The following IGSF10 variants were observed in gnomAD, a reference collection of about 807,000 sequenced individuals.
IGSF10 encodes the protein immunoglobulin superfamily member 10, also known as calvaria mechanical force protein 608.
Under a neutral mutation model 128.2 loss-of-function variants are expected in IGSF10, and 126 were observed. The observed-to-expected ratio is 0.98, with a 90% CI of 0.85 to 1.14. The LOEUF (loss-of-function observed/expected upper bound fraction) is 1.14, where lower values mean the gene tolerates loss of function less well. Ranked by LOEUF, IGSF10 falls within the 50% of genes most tolerant of loss-of-function variation. The pLI is 0.00. For missense variants in IGSF10, 3,295 were observed against 3,149.8 expected (o/e 1.05, Z -1.10); for synonymous variants, 1,185 against 1,146.2 (o/e 1.03, Z -0.68).
chr3:151,496,939 G>A, the IGSF10 span, among the ~76,000 whole-genome samples: 2 of 152,086 alleles, frequency 1.3e-5, no homozygotes, highest in South Asian at 2.1e-4. Flanking sequence ...GTGATGATGA[G>A]CATTTTTTCA....
rs141830647 is a variant in IGSF10 at position 151,453,598 on chromosome 3, C to T, written c.501G>A (p.Lys167=). Residue 167 remains lysine, a synonymous_variant, in exon 5 of 8, where the codon AAG becomes AAA. Transcript: ENST00000282466. Reference sequence around the variant, plus strand: ...AAGAGACAAATGTATCTGGGTGGAGCTTAGTGAGCTGATTTCCTTCCAAGT... The same window carrying T: ...AAGAGACAAATGTATCTGGGTGGAGTTTAGTGAGCTGATTTCCTTCCAAGT... The part of the protein sequence containing the change: ...LVHLEGNQLT[K]LHPDTFVSLS... 160 of 1,613,870 alleles carry T rather than the reference C, an allele frequency of 9.9e-5. No homozygotes were observed. The highest frequency in any genetic ancestry group is 1.3e-4 in the Non-Finnish European group (152 of 1,179,928).
the IGSF10 span, among the ~76,000 whole-genome samples, chr3:151,514,561 G>A: frequency 3.3e-5 from 5 of 152,136 alleles, no homozygotes; most frequent in Non-Finnish European, 5.9e-5. Context: ...GCATGGGGAA[G>A]AACTTCATGT....
chr3:151,438,345 C>A lies in IGSF10; in HGVS notation c.6216G>T (p.Trp2072Cys). ...ASGSPVPEIS[W>C]SLPDGTMINN... ...TGATCATGGTTCCATCAGGCAAACT[C>A]CAAGATATCTCTGGCACTGGGGAGC... Residue 2072 changes from tryptophan (W) to cysteine (C), a missense_variant, in exon 8 of 8, where the codon TGG (tryptophan) becomes TGT (cysteine). Coordinates refer to ENST00000282466, the MANE Select transcript of IGSF10 (RefSeq NM_178822.5). 1 of 1,614,196 alleles carries A rather than the reference C, an allele frequency of 6.2e-7. No individual in the cohort carries two copies. The highest frequency in any genetic ancestry group is 8.5e-7 in the Non-Finnish European group (1 of 1,180,038).
chr3:151,617,320 C>CTTCTCCTCCTCCT, the IGSF10 span, among the ~76,000 whole-genome samples: 40 of 83,624 alleles, frequency 4.8e-4, 4 homozygotes, highest in African/African-American at 2.0e-3. Flanking sequence ...CTTCTTCTTC[C>CTTCTCCTCCTCCT]CCTCCTCCTC....
the IGSF10 span, among the ~76,000 whole-genome samples, chr3:151,559,017 A>G: frequency 6.6e-6 from 1 of 152,316 alleles, no homozygotes; most frequent in Non-Finnish European, 1.5e-5. Context: ...GTTCAGTTAC[A>G]GTAACCCAAC....
At chr3:151,536,969 A>G in the IGSF10 span, among the ~76,000 whole-genome samples, 1 of 152,192 alleles carries the variant, frequency 6.6e-6, no homozygotes, top group Non-Finnish European at 1.5e-5. Context: ...TGCTTTTAAA[A>G]CAGCAGGCCC....
the IGSF10 span, among the ~76,000 whole-genome samples, chr3:151,508,877 C>G: frequency 6.6e-6 from 1 of 152,108 alleles, no homozygotes; most frequent in Non-Finnish European, 1.5e-5. Flanking sequence ...TATGGGATTT[C>G]TAAAATTCTA....
chr3:151,435,401 C>T (rs1235756074), downstream of IGSF10: 1 of 150,954 alleles, frequency 6.6e-6, no homozygotes. Context: ...GCTTTGACCA[C>T]TTCCAGCCAC....
the IGSF10 span, among the ~76,000 whole-genome samples, chr3:151,502,093 C>A: frequency 6.6e-6 from 1 of 152,036 alleles, no homozygotes; most frequent in Non-Finnish European, 1.5e-5. Context: ...TTACTCTTGG[C>A]CTTATTTAAG....
chr3:151,522,304 A>G, the IGSF10 span, among the ~76,000 whole-genome samples: 1 of 152,118 alleles, frequency 6.6e-6, no homozygotes, highest in Non-Finnish European at 1.5e-5. Context: ...ACTGCTCCAA[A>G]ACAATTAAGG....
chr3:151,437,153 T>TA lies in IGSF10; in HGVS notation c.7407_7408insT (p.Ser2470Ter). The TA allele has an allele frequency of 1.2e-6, 2 of 1,614,194 alleles. No homozygotes were observed. Among genetic ancestry groups the TA allele is most frequent in the Non-Finnish European group, 1.7e-6 (2 of 1,180,032 alleles). ...TGAGGCCTGTCTACTACATAACCACTTGGCATAGTCCATTTGATATTTGGC... is the reference window on the plus strand; with the variant it reads ...TGAGGCCTGTCTACTACATAACCACTATGGCATAGTCCATTTGATATTTGGC... On this transcript the variant is annotated frameshift_variant, in exon 8 of 8. Coordinates refer to ENST00000282466, the MANE Select transcript of IGSF10 (RefSeq NM_178822.5). LOFTEE classifies it low-confidence loss of function (END_TRUNC).
the IGSF10 span, among the ~76,000 whole-genome samples, chr3:151,522,921 T>C: frequency 6.6e-6 from 1 of 152,140 alleles, no homozygotes; most frequent in Non-Finnish European, 1.5e-5. Context: ...CATGATTCTT[T>C]ATCTAGAAAA....
chr3:151,487,885 C>T, the IGSF10 span, among the ~76,000 whole-genome samples: 3 of 152,194 alleles, frequency 2.0e-5, no homozygotes, highest in East Asian at 5.8e-4. Context: ...ACTGAATGGG[C>T]AAAAACTGGA....
chr3:151,478,313 G>A, the IGSF10 span, among the ~76,000 whole-genome samples: 7 of 152,172 alleles, frequency 4.6e-5, no homozygotes, highest in African/African-American at 7.2e-5. Flanking sequence ...GGCATTTATT[G>A]TCATATTAAA....
Position 151,458,000 on chromosome 3 carries a change from CT to C in IGSF10, c.194+515del, listed in dbSNP as rs1049213756. On this transcript the variant is annotated intron_variant, in intron 3 of 7. Transcript: ENST00000282466. ...ACATGTGTATTCAGACACACACAGA[CT>C]TTTTTTTCATGAACGTTTAAAATAC... 5.3e-5 allele frequency among the ~76,000 whole-genome samples: 8 copies of C among 151,724 alleles called. No homozygotes were observed. In the East Asian group the frequency reaches 7.7e-4, roughly 15 times the overall value.
At chr3:151,457,270 TTGAGACAATCAAATGCTTC>T in intron 3 of IGSF10, 115 bp from the exon 4 acceptor site, 1 of 964,662 alleles carries the variant, frequency 1.0e-6, no homozygotes, top group Non-Finnish European at 1.5e-6. Flanking sequence ...CTGTACTCTA[TTGAGACAATCAAATGCTTC>T]AAAAACTGAA....
chr3:151,463,533 T>TG (rs1722149724), upstream of IGSF10, among the ~76,000 whole-genome samples: 5 of 63,684 alleles, frequency 7.9e-5, no homozygotes, highest in Non-Finnish European at 1.4e-4. Flanking sequence ...GTTTTTTTTT[T>TG]TTTTTTTTTT....
At chr3:151,530,332 A>G in the IGSF10 span, among the ~76,000 whole-genome samples, 4 of 152,054 alleles carry the variant, frequency 2.6e-5, no homozygotes, top group South Asian at 8.3e-4. Flanking sequence ...CTAGCAAGGT[A>G]GGCCACATTC....
chr3:151,449,199 G>A lies in IGSF10; in HGVS notation c.782C>T (p.Pro261Leu). ...SAQQCPLCMN[P>L]RTSKGKPLAM... ...TAACGGCTTGCCTTTAGAAGTCCTA[G>A]GGTTCATGCAAAGTGGACACTGCTG... Residue 261 changes from proline to leucine, a missense_variant, in exon 6 of 8, where the codon CCT becomes CTT. Physicochemically the swap from Pro to Leu is moderately conservative, Grantham distance 98. Coordinates refer to ENST00000282466, the MANE Select transcript of IGSF10 (RefSeq NM_178822.5). The A allele has an allele frequency of 6.2e-7, 1 of 1,613,994 alleles. No individual in the cohort carries two copies. Among genetic ancestry groups the A allele is most frequent in the South Asian group, 1.1e-5 (1 of 91,076 alleles).
Sources: gnomAD v4.1 joint callset for allele counts (sites outside exome capture counted in the v4.1 genomes callset) on GRCh38, gnomAD v4.1.1 for gene constraint, MANE v1.5 for transcripts, NCBI Gene and HGNC (gene_info 2026-07-23, HGNC 2026-07-21) for gene names.